RALYL: variants seen among roughly 807,000 people sequenced by gnomAD.
The protein encoded by RALYL is RNA-binding Raly-like protein.
RALYL carries 29 observed loss-of-function variants against 35.1 expected under a neutral mutation model. The observed-to-expected ratio is 0.83, with a 90% CI of 0.61 to 1.13. RALYL has a LOEUF of 1.13. Among genes scored for constraint, RALYL ranks in the 50% most tolerant of loss-of-function variants. The pLI is 0.00. For missense variants in RALYL, 359 were observed against 360.4 expected, an observed-to-expected ratio of 1.00 and a Z score of 0.03; for synonymous variants, 120 against 127.6, an observed-to-expected ratio of 0.94 and a Z score of 0.40.
chr8:84,302,717 A>G (rs1841047138), intron 1 of RALYL, among the ~76,000 whole-genome samples: 1 of 152,142 alleles, frequency 6.6e-6, no homozygotes, highest in African/African-American at 2.4e-5. Flanking sequence ...AGCATTTTGG[A>G]AAAAGGAATG....
At chr8:84,501,262 G>C (rs536690280) in intron 1 of RALYL, among the ~76,000 whole-genome samples, 1 of 152,210 alleles carries the variant, frequency 6.6e-6, no homozygotes, top group South Asian at 2.1e-4. Flanking sequence ...GCTCTCCGAA[G>C]TTAGATAACA....
intron 2 of RALYL, among the ~76,000 whole-genome samples, chr8:84,571,367 A>G (rs886569405): frequency 3.3e-5 from 5 of 151,720 alleles, no homozygotes; most frequent in Non-Finnish European, 7.4e-5. Context: ...TTAGAAATTT[A>G]TCCATTTCCT....
At chr8:84,704,431 C>A (rs1470434071) in intron 2 of RALYL, among the ~76,000 whole-genome samples, 1 of 143,330 alleles carries the variant, frequency 7.0e-6, no homozygotes, top group Non-Finnish European at 1.6e-5. Context: ...TACCACCAGC[C>A]CCCCAATACA....
chr8:84,710,603 C>G (rs996854251), intron 2 of RALYL, among the ~76,000 whole-genome samples: 11 of 149,662 alleles, frequency 7.3e-5, no homozygotes, highest in African/African-American at 2.6e-4. Flanking sequence ...CACTCGGCCT[C>G]AGTTCATATA....
chr8:84,314,431 C>T (rs556535352), intron 1 of RALYL, among the ~76,000 whole-genome samples: 1 of 151,824 alleles, frequency 6.6e-6, no homozygotes, highest in East Asian at 1.9e-4. Flanking sequence ...AAGATAATGA[C>T]TATAAATATA....
chr8:84,674,633 A>G (rs1833857673), intron 2 of RALYL, among the ~76,000 whole-genome samples: 1 of 152,192 alleles, frequency 6.6e-6, no homozygotes, highest in Non-Finnish European at 1.5e-5. Context: ...AAAGTACTTC[A>G]AAGGTAATTC....
Position 84,207,826 on chromosome 8 carries a change from A to G in RALYL, c.-24+23402A>G, listed in dbSNP as rs533551260. On this transcript the variant is annotated intron_variant, in intron 1 of 8. Coordinates refer to ENST00000521268, the MANE Select transcript of RALYL (RefSeq NM_173848.7). Reference sequence around the variant, plus strand: ...TGTGTGTGTGTGTGTGTGTGTATATATATATATATATATAGAAACATTGCA... The same window carrying G: ...TGTGTGTGTGTGTGTGTGTGTATATGTATATATATATATAGAAACATTGCA... Among the ~76,000 whole-genome samples, 519 of 89,706 alleles carry G rather than the reference A, an allele frequency of 5.8e-3. 4 individuals carry two copies. Among genetic ancestry groups the G allele is most frequent in the African/African-American group, 0.017 (413 of 24,976 alleles). 58.9% of individuals were successfully genotyped at this position (89,706 alleles called of 152,430 possible).
At chr8:84,700,996 G>A (rs1408501034) in intron 2 of RALYL, among the ~76,000 whole-genome samples, 1 of 152,128 alleles carries the variant, frequency 6.6e-6, no homozygotes, top group Non-Finnish European at 1.5e-5. Context: ...TCAAAAGAAG[G>A]AAGAATTTAT....
intron 2 of RALYL, among the ~76,000 whole-genome samples, chr8:84,559,321 C>T (rs1419237176): frequency 2.0e-5 from 3 of 151,954 alleles, no homozygotes; most frequent in African/African-American, 7.2e-5. Context: ...TTAGGGAAGT[C>T]AGAGTGCAAT....
chr8:84,414,110 T>C (rs1403583551), intron 1 of RALYL, among the ~76,000 whole-genome samples: 1 of 152,060 alleles, frequency 6.6e-6, no homozygotes, highest in African/African-American at 2.4e-5. Context: ...AAAAATTCCT[T>C]CCATTTTGTC....
At chr8:84,400,783 G>A (rs1281466461) in intron 1 of RALYL, among the ~76,000 whole-genome samples, 1 of 152,172 alleles carries the variant, frequency 6.6e-6, no homozygotes, top group Non-Finnish European at 1.5e-5. Context: ...GGCACCATTA[G>A]TTTATTTGGA....
chr8:84,552,964 G>A (rs2060849996), intron 2 of RALYL, among the ~76,000 whole-genome samples: 1 of 151,988 alleles, frequency 6.6e-6, no homozygotes, highest in Non-Finnish European at 1.5e-5. Context: ...TGGGCGCAAG[G>A]AGGGAAAAAA....
At chr8:84,609,143 G>A (rs1817772112) in intron 2 of RALYL, among the ~76,000 whole-genome samples, 1 of 152,022 alleles carries the variant, frequency 6.6e-6, no homozygotes, top group Non-Finnish European at 1.5e-5. Flanking sequence ...TTGCTGCATT[G>A]CTGCTCCATA....
intron 1 of RALYL, among the ~76,000 whole-genome samples, chr8:84,400,392 G>T (rs73302523): frequency 0.028 from 4,296 of 152,226 alleles, 199 homozygotes; most frequent in African/African-American, 0.098. Context: ...AGCATTTGGA[G>T]TGCAGATTTT....
rs557915226 is a variant in RALYL at position 84,603,114 on chromosome 8, CA to C, written c.256+73544del. On this transcript the variant is annotated intron_variant, in intron 2 of 8. Coordinates refer to ENST00000521268, the MANE Select transcript of RALYL (RefSeq NM_173848.7). Reference sequence around the variant, plus strand: ...AAATTTTATATGTATATTGTACCTCCAAAAAAAGAACAGCAATTATAAATGT... The same window carrying C: ...AAATTTTATATGTATATTGTACCTCCAAAAAAGAACAGCAATTATAAATGT... Among the ~76,000 whole-genome samples, 661 of 151,658 alleles carry C rather than the reference CA, an allele frequency of 4.4e-3. 4 individuals are homozygous for C. Among genetic ancestry groups the C allele is most frequent in the African/African-American group, 0.015 (629 of 41,390 alleles).
chr8:84,505,219 T>G (rs1337342752), intron 1 of RALYL, among the ~76,000 whole-genome samples: 1 of 152,198 alleles, frequency 6.6e-6, no homozygotes, highest in Admixed American at 6.6e-5. Flanking sequence ...TTCTTTCTCA[T>G]ATCACAGTTT....
chr8:84,668,953 C>A lies in RALYL; in HGVS notation c.257-105626C>A, dbSNP rs146842956. Among the ~76,000 whole-genome samples, 490 of 137,486 alleles carry A rather than the reference C, an allele frequency of 3.6e-3. 2 individuals carry two copies. The highest frequency in any genetic ancestry group is 0.013 in the African/African-American group (468 of 37,260). The allele number at this position is 137,486 out of a possible 152,430, so 90.2% of individuals were successfully genotyped here. On this transcript the variant is annotated intron_variant, in intron 2 of 8. Coordinates refer to ENST00000521268, the MANE Select transcript of RALYL (RefSeq NM_173848.7). ...TGAGGTTAAATGTTCAACAACACAT[C>A]CATCCATCCATCCATCCATCCATCC...
intron 2 of RALYL, among the ~76,000 whole-genome samples, chr8:84,649,778 G>C (rs1450851578): frequency 1.3e-5 from 2 of 151,892 alleles, no homozygotes; most frequent in Non-Finnish European, 2.9e-5. Context: ...TTTTTTGGTT[G>C]CATATGAACT....
intron 2 of RALYL, among the ~76,000 whole-genome samples, chr8:84,610,809 TTTGGCCAC>T (rs2130875288): frequency 6.6e-6 from 1 of 152,308 alleles, no homozygotes; most frequent in South Asian, 2.1e-4. Context: ...TACTTCCAGC[TTTGGCCAC>T]TCAGAGCTCC....
Sources: gnomAD v4.1 joint callset for allele counts (sites outside exome capture counted in the v4.1 genomes callset) on GRCh38, gnomAD v4.1.1 for gene constraint, MANE v1.5 for transcripts, NCBI Gene and HGNC (gene_info 2026-07-23, HGNC 2026-07-21) for gene names.